The following LINGO1 variants were observed in gnomAD, a reference collection of about 807,000 sequenced individuals.
LINGO1 encodes leucine rich repeat and Ig domain containing 1, also known as leucine-rich repeat and immunoglobulin-like domain-containing nogo receptor-interacting protein 1.
Under a neutral mutation model 37.3 loss-of-function variants are expected in LINGO1, and 11 were observed. The observed-to-expected ratio is 0.29, with a 90% CI of 0.19 to 0.49. LINGO1 has a LOEUF of 0.49. LINGO1 is among the 20% of genes least tolerant of loss of function. LINGO1 has a pLI of 0.99. For missense variants in LINGO1, 585 were observed against 878.2 expected (o/e 0.67, Z 4.22); for synonymous variants, 387 against 403.0 (o/e 0.96, Z 0.48).
rs569074942 is a variant in LINGO1 at position 77,712,857 on chromosome 15, T to C, written c.-194-21956A>G. Among the ~76,000 whole-genome samples the C allele has an allele frequency of 2.0e-4, 31 of 152,336 alleles. No homozygotes were observed. The South Asian group carries it at 5.4e-3, about 26-fold the overall frequency. ...AAGGTTAATGGCTCCACTTGGACTC[T>C]GAACCCACCCCTCATCCTCAGGAAT... On this transcript the variant is annotated intron_variant, in intron 2 of 3. Coordinates refer to the LINGO1 transcript ENST00000561686.
chr15:77,642,341 G>C (rs1359321488), intron 3 of LINGO1, among the ~76,000 whole-genome samples: 1 of 152,364 alleles, frequency 6.6e-6, no homozygotes, highest in Admixed American at 6.5e-5. Context: ...ACAGAGGCAG[G>C]CCTCTCGAGT....
chr15:77,685,997 G>A (rs2075503575), intron 2 of LINGO1, among the ~76,000 whole-genome samples: 1 of 152,208 alleles, frequency 6.6e-6, no homozygotes, highest in Admixed American at 6.5e-5. Flanking sequence ...GTGGTGGGCG[G>A]CTGTCTAGGT....
intron 3 of LINGO1, among the ~76,000 whole-genome samples, chr15:77,675,211 T>A (rs2075308959): frequency 6.6e-6 from 1 of 152,210 alleles, no homozygotes; most frequent in African/African-American, 2.4e-5. Flanking sequence ...TGCAGGTTGA[T>A]CTGGCTGTCC....
intron 2 of LINGO1, among the ~76,000 whole-genome samples, chr15:77,705,206 C>CACACACACACACACACACACACACA (rs57434698): frequency 1.4e-4 from 21 of 148,958 alleles, no homozygotes; most frequent in Middle Eastern, 3.2e-3. Flanking sequence ...CACACACACA[C>CACACACACACACACACACACACACA]CAGTCCACTT....
rs2076114030 is a variant in LINGO1, at chr15:77,727,509, G to A, written c.-195+7483C>T. On this transcript the variant is annotated intron_variant, in intron 2 of 3. Coordinates refer to the LINGO1 transcript ENST00000561686. ...CAGTTACAAAAAGACACATATATATGGTTTCCTAGTATGAGGTACCTAAGG... is the reference window on the plus strand; with the variant it reads ...CAGTTACAAAAAGACACATATATATAGTTTCCTAGTATGAGGTACCTAAGG... Among the ~76,000 whole-genome samples the A allele has an allele frequency of 2.6e-5, 4 of 152,168 alleles. No homozygotes were observed. In the South Asian group the frequency reaches 8.3e-4, roughly 32 times the overall value.
chr15:77,715,053 TTGTC>T (rs922486223), intron 2 of LINGO1, among the ~76,000 whole-genome samples: 5 of 152,194 alleles, frequency 3.3e-5, no homozygotes, highest in Admixed American at 3.3e-4. Flanking sequence ...GTGGGCCTGG[TTGTC>T]TGGAACACTG....
chr15:77,686,684 G>C (rs1289922526), intron 2 of LINGO1, among the ~76,000 whole-genome samples: 1 of 152,154 alleles, frequency 6.6e-6, no homozygotes, highest in Non-Finnish European at 1.5e-5. Context: ...TCTCTAAACT[G>C]CCCATGGGCA....
intron 3 of LINGO1, among the ~76,000 whole-genome samples, chr15:77,643,737 C>G (rs1443000044): frequency 6.6e-6 from 1 of 152,236 alleles, no homozygotes; most frequent in Non-Finnish European, 1.5e-5. Context: ...AGCCCTGGCC[C>G]AGGGGCAGCA....
intron 1 of LINGO1, among the ~76,000 whole-genome samples, chr15:77,622,211 A>G (rs1049251105): frequency 7.9e-5 from 12 of 152,100 alleles, no homozygotes; most frequent in Non-Finnish European, 1.5e-4. Flanking sequence ...GGAGAGGGAA[A>G]GAGAGAGAAA....
intron 1 of LINGO1, chr15:77,786,828 C>T (rs1489990236): frequency 6.6e-6 from 1 of 152,258 alleles, no homozygotes; most frequent in East Asian, 1.9e-4. Flanking sequence ...ATGACAAGTC[C>T]TTTCAGCAAG....
intron 1 of LINGO1, among the ~76,000 whole-genome samples, chr15:77,762,748 C>A (rs906308458): frequency 1.3e-5 from 2 of 152,212 alleles, no homozygotes; most frequent in Non-Finnish European, 2.9e-5. Context: ...CTCCATGAAG[C>A]CTTCCCTGAC....
In LINGO1 at chr15:77,615,794, G is replaced by A. The variant is rs775709951; in HGVS notation, c.113C>T (p.Ser38Leu). The change falls in exon 2 of 2, where the codon TCG becomes TTG. Residue 38 changes from serine (S) to leucine (L), a missense_variant. Around this residue, in one of 4 missense-constraint regions of LINGO1, gnomAD observed 65 missense variants for 57.0 expected, o/e 1.14. Transcript: ENST00000355300. ...LLVLGSVLSGSATGCPPRCEC... is the reference protein window; with the variant it reads ...LLVLGSVLSGLATGCPPRCEC... The stretch of plus-strand genomic sequence containing the variant: ...GCAGCGGGGCGGGCAGCCCGTGGCC[G>A]AGCCTGACAGCACTGAGCCCAGCAC... The A allele has an allele frequency of 8.3e-6, 13 of 1,564,586 alleles. No individual in the cohort carries two copies. The highest frequency in any genetic ancestry group is 3.5e-5 in the South Asian group (3 of 85,180).
chr15:77,694,518 C>G (rs1332917360), intron 1 of LINGO1, among the ~76,000 whole-genome samples: 4 of 152,150 alleles, frequency 2.6e-5, no homozygotes, highest in Admixed American at 2.0e-4. Flanking sequence ...CCCACTCCAC[C>G]CAGGCTTCCA....
At chr15:77,640,299 C>T (rs2074476871) in intron 3 of LINGO1, among the ~76,000 whole-genome samples, 1 of 152,112 alleles carries the variant, frequency 6.6e-6, no homozygotes, top group African/African-American at 2.4e-5. Flanking sequence ...GCAGGGGAGA[C>T]TAAAAACAAG....
At position 77,632,804 on chromosome 15, in the gene LINGO1, G is replaced by A. The variant is rs866390823; in HGVS notation, c.-489C>T. On this transcript the variant is annotated 5_prime_UTR_variant, in exon 1 of 2. Coordinates refer to ENST00000355300, the MANE Select transcript of LINGO1 (RefSeq NM_032808.7). This position sits in a 1 kb window ranked among gnomAD's most constrained non-coding sequence, Gnocchi z 6.0. ...CCGCGCCCTCCGGGGCCGGGACCAGGACCCACCGCCGCCGCCGCCGCCTGC... is the reference window on the plus strand; with the variant it reads ...CCGCGCCCTCCGGGGCCGGGACCAGAACCCACCGCCGCCGCCGCCGCCTGC... Among the ~76,000 whole-genome samples, 34 of 147,306 alleles carry A rather than the reference G, an allele frequency of 2.3e-4. No homozygotes were observed. Among genetic ancestry groups the A allele is most frequent in the African/African-American group, 6.4e-4 (26 of 40,852 alleles).
chr15:77,768,762 G>A (rs1224730267), intron 1 of LINGO1, among the ~76,000 whole-genome samples: 9 of 152,120 alleles, frequency 5.9e-5, no homozygotes, highest in East Asian at 3.9e-4. Context: ...GTCAGAGGAC[G>A]GCAGGAGAGA....
chr15:77,672,530 G>A (rs1350978511), intron 3 of LINGO1, among the ~76,000 whole-genome samples: 1 of 152,116 alleles, frequency 6.6e-6, no homozygotes, highest in East Asian at 1.9e-4. Flanking sequence ...CTCTGTGCCT[G>A]GAGACCTTCC....
rs111741384 is a variant in LINGO1 at position 77,615,078 on chromosome 15, C to A, written c.829G>T (p.Ala277Ser). ...TGGCGGACGGCCAGGTAGGGCACAGCGGTCAGATTGCAGTGTGTGATGGAC... is the reference window on the plus strand; with the variant it reads ...TGGCGGACGGCCAGGTAGGGCACAGAGGTCAGATTGCAGTGTGTGATGGAC... ...SLSITHCNLT[A>S]VPYLAVRHLV... The change falls in exon 2 of 2, where the codon GCT becomes TCT. Residue 277 changes from alanine (A) to serine (S), a missense_variant. Coordinates refer to ENST00000355300, the MANE Select transcript of LINGO1 (RefSeq NM_032808.7). The A allele has an allele frequency of 2.4e-5, 39 of 1,613,820 alleles. No homozygotes were observed. Among genetic ancestry groups the A allele is most frequent in the Non-Finnish European group, 3.0e-5 (35 of 1,179,882 alleles).
intron 1 of LINGO1, among the ~76,000 whole-genome samples, chr15:77,746,207 CAAAAAAAAAAAA>C (rs34220013): frequency 4.0e-5 from 3 of 75,634 alleles, no homozygotes; most frequent in African/African-American, 1.2e-4. Flanking sequence ...GACCCTGTCT[CAAAAAAAAAAAA>C]AAAAAAAAAT....
Sources: allele counts gnomAD v4.1 joint callset (sites outside exome capture counted in the v4.1 genomes callset), GRCh38; gene constraint gnomAD v4.1.1; regional missense constraint gnomAD v4.1.1; non-coding constraint Gnocchi (gnomAD v3.1); transcripts MANE v1.5; gene names NCBI Gene and HGNC (gene_info 2026-07-23, HGNC 2026-07-21).